GPR158: variants seen among roughly 807,000 people sequenced by gnomAD.
GPR158 encodes the protein G protein-coupled receptor 158.
Under a neutral mutation model 78.2 loss-of-function variants are expected in GPR158, and 30 were observed. The observed-to-expected ratio is 0.38, with a 90% CI of 0.29 to 0.52. The LOEUF is 0.52. Among genes scored for constraint, GPR158 ranks in the 20% least tolerant of loss-of-function variants. The pLI is 0.83. For missense variants in GPR158, 1,463 were observed against 1,523.5 expected, an observed-to-expected ratio of 0.96 and a Z score of 0.66; for synonymous variants, 581 against 591.1, an observed-to-expected ratio of 0.98 and a Z score of 0.25.
intron 7 of GPR158, among the ~76,000 whole-genome samples, chr10:25,580,576 T>C (rs895435253): frequency 3.9e-5 from 6 of 152,362 alleles, no homozygotes; most frequent in South Asian, 4.1e-4. Context: ...ATAAGTGCCA[T>C]TTAATGAATG....
intron 9 of GPR158, among the ~76,000 whole-genome samples, 172 bp from the exon 10 acceptor site, chr10:25,596,467 CTGTT>C (rs1482979398): frequency 6.6e-6 from 1 of 151,922 alleles, no homozygotes; most frequent in African/African-American, 2.4e-5. Flanking sequence ...AAGACCCTGT[CTGTT>C]TGTCTGTCTG....
Position 25,551,104 on chromosome 10 carries a change from T to A in GPR158, c.1514+19T>A. 7.7e-7 allele frequency: 1 copy of A among 1,295,100 alleles called. No individual in the cohort carries two copies. The highest frequency in any genetic ancestry group is 1.1e-6 in the Non-Finnish European group (1 of 888,760). 80.2% of individuals were successfully genotyped at this position (1,295,100 alleles called of 1,614,324 possible). ...TTCACAGGTATATACATTTTATTCA[T>A]CGTCATTCTCATGGAAAGATCAAAC... On this transcript the variant is annotated intron_variant, in intron 6 of 10. Coordinates refer to ENST00000376351, the MANE Select transcript of GPR158 (RefSeq NM_020752.3).
At chr10:25,286,414 A>G (rs1588775635) in intron 2 of GPR158, among the ~76,000 whole-genome samples, 1 of 152,152 alleles carries the variant, frequency 6.6e-6, no homozygotes, top group Non-Finnish European at 1.5e-5. Flanking sequence ...GCTTTTCACT[A>G]TAACATTTGC....
At chr10:25,592,588 A>C (rs1356561080) in intron 8 of GPR158, among the ~76,000 whole-genome samples, 1 of 152,044 alleles carries the variant, frequency 6.6e-6, no homozygotes, top group Non-Finnish European at 1.5e-5. Flanking sequence ...GCAGTAATTT[A>C]AAACTGATTG....
chr10:25,561,148 T>TA (rs1489503496), intron 6 of GPR158, among the ~76,000 whole-genome samples: 1 of 152,200 alleles, frequency 6.6e-6, no homozygotes, highest in African/African-American at 2.4e-5. Flanking sequence ...GTAAAATTGC[T>TA]CATTTAAGTA....
In GPR158 at chr10:25,572,726, C is replaced by T. The variant is rs754961701; in HGVS notation, c.1592C>T (p.Ala531Val). The change falls in exon 7 of 11, where the codon GCA becomes GTA. Residue 531 changes from alanine to valine, a missense_variant. Coordinates refer to ENST00000376351, the MANE Select transcript of GPR158 (RefSeq NM_020752.3). Reference sequence around the variant, plus strand: ...GGCGGACGGGTCATGAGGATGCTGGCAGTAATACTCTTGGTAGTGTTTTGG... The same window carrying T: ...GGCGGACGGGTCATGAGGATGCTGGTAGTAATACTCTTGGTAGTGTTTTGG... ...MTGGRVMRMLAVILLVVFWFL... is the reference protein window; with the variant it reads ...MTGGRVMRMLVVILLVVFWFL... The T allele has an allele frequency of 2.5e-6, 4 of 1,613,864 alleles. No individual in the cohort carries two copies. Among genetic ancestry groups the T allele is most frequent in the South Asian group, 1.1e-5 (1 of 91,076 alleles).
chr10:25,529,585 C>T (rs1405087251), intron 5 of GPR158, among the ~76,000 whole-genome samples: 1 of 152,062 alleles, frequency 6.6e-6, no homozygotes, highest in Non-Finnish European at 1.5e-5. Context: ...TTATTTTACT[C>T]TCAGATACAA....
At chr10:25,432,303 G>C (rs1042268252) in intron 4 of GPR158, among the ~76,000 whole-genome samples, 1 of 152,164 alleles carries the variant, frequency 6.6e-6, no homozygotes. Flanking sequence ...AATTCTCTCT[G>C]TTGGTGAAGG....
chr10:25,515,206 T>C (rs899261917), intron 5 of GPR158, among the ~76,000 whole-genome samples: 1 of 151,768 alleles, frequency 6.6e-6, no homozygotes, highest in Non-Finnish European at 1.5e-5. Flanking sequence ...TTTTAAAAAA[T>C]TTTTTGTCTT....
In GPR158 at chr10:25,412,336, C is replaced by G; in HGVS notation, c.1198C>G (p.Pro400Ala). Residue 400 changes from proline (P) to alanine (A), a missense_variant, in exon 4 of 11, where the codon CCC (proline) becomes GCC (alanine). By Grantham distance (27) the Pro-to-Ala change is conservative (BLOSUM62 -1). Transcript: ENST00000376351. ...YVCLPCREGC[P>A]FCADDSPCFV... ...CTGCCTACCTTGCAGGGAGGGCTGC[C>G]CCTTCTGTGCTGATGACAGCCCATG... 1 of 1,613,862 alleles carries G rather than the reference C, an allele frequency of 6.2e-7. No homozygotes were observed. The highest frequency in any genetic ancestry group is 8.5e-7 in the Non-Finnish European group (1 of 1,179,770).
At chr10:25,492,748 A>G (rs1258601316) in intron 5 of GPR158, among the ~76,000 whole-genome samples, 1 of 152,050 alleles carries the variant, frequency 6.6e-6, no homozygotes, top group Non-Finnish European at 1.5e-5. Flanking sequence ...GAAAACACAT[A>G]GTGAACTCAT....
At chr10:25,596,559 A>C in intron 9 of GPR158, 84 bp from the exon 10 acceptor site, 2 of 854,976 alleles carry the variant, frequency 2.3e-6, no homozygotes, top group Non-Finnish European at 3.8e-6. Flanking sequence ...ATACCTATAT[A>C]GATATAGGTA....
At chr10:25,384,535 C>T (rs1175390966) in intron 2 of GPR158, among the ~76,000 whole-genome samples, 1 of 151,888 alleles carries the variant, frequency 6.6e-6, no homozygotes, top group Non-Finnish European at 1.5e-5. Context: ...TAGGAAAATT[C>T]CAAAACAAAA....
At chr10:25,465,633 G>A (rs1835410975) in intron 4 of GPR158, among the ~76,000 whole-genome samples, 1 of 152,178 alleles carries the variant, frequency 6.6e-6, no homozygotes, top group African/African-American at 2.4e-5. Context: ...GTTATTTAAT[G>A]TGATTTATAT....
chr10:25,225,183 C>CTTTTTTTTTTT (rs60603738), intron 2 of GPR158, among the ~76,000 whole-genome samples: 1,484 of 134,610 alleles, frequency 0.011, 51 homozygotes, highest in African/African-American at 0.04. Flanking sequence ...GAACATTTGC[C>CTTTTTTTTTTT]TTTTTTTTTT....
intron 2 of GPR158, among the ~76,000 whole-genome samples, chr10:25,337,003 G>A (rs1043498689): frequency 6.6e-6 from 1 of 150,874 alleles, no homozygotes; most frequent in Non-Finnish European, 1.5e-5. Context: ...TTATGCAAAT[G>A]GAAAAATAAG....
At chr10:25,395,168 G>C (rs1834349652) in intron 2 of GPR158, among the ~76,000 whole-genome samples, 1 of 152,076 alleles carries the variant, frequency 6.6e-6, no homozygotes, top group Admixed American at 6.5e-5. Context: ...TATATCTTTT[G>C]CTTGCTAGGT....
chr10:25,559,910 G>T (rs1444292036), intron 6 of GPR158, among the ~76,000 whole-genome samples: 1 of 152,210 alleles, frequency 6.6e-6, no homozygotes, highest in Non-Finnish European at 1.5e-5. Context: ...GTAAGGTGGT[G>T]TGGAAGACAC....
At chr10:25,303,438 A>G (rs776360811) in intron 2 of GPR158, among the ~76,000 whole-genome samples, 17 of 152,204 alleles carry the variant, frequency 1.1e-4, no homozygotes, top group Non-Finnish European at 1.0e-4. Flanking sequence ...TGTAATTTAG[A>G]GGAAGATGAT....
Sources: gnomAD v4.1 joint callset for allele counts (sites outside exome capture counted in the v4.1 genomes callset) on GRCh38, gnomAD v4.1.1 for gene constraint, MANE v1.5 for transcripts, NCBI Gene and HGNC (gene_info 2026-07-23, HGNC 2026-07-21) for gene names.